ABCC4: variants seen among roughly 807,000 people sequenced by gnomAD.
The protein encoded by ABCC4 is ATP binding cassette subfamily C member 4 (PEL blood group).
In ABCC4, 102 loss-of-function variants were observed where a neutral mutation model predicts 168.5. The observed-to-expected ratio is 0.61, with a 90% CI of 0.52 to 0.71. ABCC4 has a LOEUF of 0.71. Ranked by LOEUF, ABCC4 falls within the 30% of genes least tolerant of loss-of-function variation. ABCC4 has a pLI of 0.00. For synonymous variants in ABCC4, 617 were observed against 590.7 expected (o/e 1.04, Z -0.65); for missense variants, 1,402 against 1,605.8 (o/e 0.87, Z 2.17).
At chr13:95,283,359 TG>T (rs1344317797) in intron 1 of ABCC4, among the ~76,000 whole-genome samples, 11 of 133,374 alleles carry the variant, frequency 8.2e-5, no homozygotes, top group Admixed American at 7.3e-4. Flanking sequence ...AGTTTTTCTG[TG>T]GTTTTTTTTT....
intron 1 of ABCC4, among the ~76,000 whole-genome samples, chr13:95,297,335 C>G (rs962050402): frequency 6.6e-6 from 1 of 151,508 alleles, no homozygotes; most frequent in African/African-American, 2.4e-5. Flanking sequence ...TCCACAATTG[C>G]CAACAGCCAT....
chr13:95,151,593 A>AAGGAGG (rs1331084381), intron 19 of ABCC4, among the ~76,000 whole-genome samples: 1 of 132,456 alleles, frequency 7.5e-6, no homozygotes, highest in Admixed American at 7.5e-5. Context: ...GAAGGAGAAG[A>AAGGAGG]AGGAGGAGGA....
chr13:95,208,871 T>G (rs1322501246), intron 6 of ABCC4, among the ~76,000 whole-genome samples: 1 of 152,048 alleles, frequency 6.6e-6, no homozygotes, highest in African/African-American at 2.4e-5. Context: ...CCACCTGCCT[T>G]GGCCTCCCAA....
intron 1 of ABCC4, among the ~76,000 whole-genome samples, chr13:95,285,722 G>C (rs2041240386): frequency 6.6e-6 from 1 of 152,140 alleles, no homozygotes; most frequent in African/African-American, 2.4e-5. Context: ...GTGATCAGGG[G>C]AAAGGCATCA....
intron 21 of ABCC4, among the ~76,000 whole-genome samples, chr13:95,082,136 CTCT>C (rs1246803389): frequency 3.3e-5 from 5 of 152,236 alleles, no homozygotes; most frequent in Non-Finnish European, 5.9e-5. Flanking sequence ...CTCAATGCTT[CTCT>C]TCTAGGCGTG....
rs756511116 is a variant in ABCC4, at chr13:95,188,497, G to C, written c.1309C>G (p.Pro437Ala). The C allele has an allele frequency of 4.3e-6, 7 of 1,614,140 alleles. No individual in the cohort carries two copies. The South Asian group carries it at 6.6e-5, about 15-fold the overall frequency. The stretch of plus-strand genomic sequence containing the variant: ...CCGACCACAGCTAACAATTCGCCAG[G>C]TCTGACAGTAAAGGAAAGGCCTTGT... ...TLQGLSFTVRPGELLAVVGPV... is the reference protein window; with the variant it reads ...TLQGLSFTVRAGELLAVVGPV... The change falls in exon 10 of 31, where the codon CCT (proline) becomes GCT (alanine). Residue 437 changes from proline to alanine, a missense_variant. Physicochemically the swap from Pro to Ala is conservative, Grantham distance 27. Transcript: ENST00000645237.
chr13:95,062,585 C>T (rs2033340739), intron 26 of ABCC4, 119 bp downstream of exon 26: 1 of 908,474 alleles, frequency 1.1e-6, no homozygotes. Flanking sequence ...AAAACATGCT[C>T]TATTGGGTGA....
Position 95,281,323 on chromosome 13 carries a change from A to AAG in ABCC4, c.74+19916_74+19917dup, listed in dbSNP as rs1237364676. Reference sequence around the variant, plus strand: ...TCAAAAAAAAAAAAAAAAAAAAAAAAAGAGAGAGAGAAAGTTGAGAGCATA... The same window carrying AAG: ...TCAAAAAAAAAAAAAAAAAAAAAAAAAGAGAGAGAGAGAAAGTTGAGAGCATA... On this transcript the variant is annotated intron_variant, in intron 1 of 30. Transcript: ENST00000645237. Among the ~76,000 whole-genome samples the AAG allele has an allele frequency of 6.8e-4, 92 of 135,008 alleles. 2 individuals are homozygous for AAG. Among genetic ancestry groups the AAG allele is most frequent in the Admixed American group, 2.0e-3 (26 of 12,820 alleles). The allele number at this position is 135,008 out of a possible 152,430, so 88.6% of individuals were successfully genotyped here.
At position 95,242,142 on chromosome 13, in the gene ABCC4, G is replaced by A. The variant is rs937907067; in HGVS notation, c.306+4833C>T. 1.4e-4 allele frequency among the ~76,000 whole-genome samples: 21 copies of A among 152,146 alleles called. No homozygotes were observed. The South Asian group carries it at 4.0e-3, about 29-fold the overall frequency. On this transcript the variant is annotated intron_variant, in intron 3 of 30. Coordinates refer to ENST00000645237, the MANE Select transcript of ABCC4 (RefSeq NM_005845.5). The stretch of plus-strand genomic sequence containing the variant: ...TTAGAGCTTCCACTATCCAAAATAC[G>A]AAGATCCACAAGCAGCACAGACACA...
chr13:95,275,625 A>C (rs2040953541), intron 1 of ABCC4, among the ~76,000 whole-genome samples: 1 of 151,978 alleles, frequency 6.6e-6, no homozygotes, highest in South Asian at 2.1e-4. Flanking sequence ...CTCTAGAACT[A>C]GGAAATCAAC....
At chr13:95,216,634 C>CA (rs2039121364) in intron 4 of ABCC4, among the ~76,000 whole-genome samples, 1 of 129,398 alleles carries the variant, frequency 7.7e-6, no homozygotes, top group Non-Finnish European at 1.6e-5. Flanking sequence ...AAAAAAAAAC[C>CA]AGCACAAATG....
intron 19 of ABCC4, among the ~76,000 whole-genome samples, 198 bp downstream of exon 19, chr13:95,160,990 TG>T (rs760322388): frequency 2.2e-4 from 33 of 149,594 alleles, no homozygotes; most frequent in Middle Eastern, 3.5e-3. Flanking sequence ...AAAGATTGTA[TG>T]CCCCCCCCTC....
intron 25 of ABCC4, among the ~76,000 whole-genome samples, chr13:95,065,444 C>G (rs527743268): frequency 2.6e-4 from 39 of 152,186 alleles, no homozygotes; most frequent in African/African-American, 9.4e-4. Context: ...AAGATATAAT[C>G]TCATATATTT....
chr13:95,050,566 C>T (rs1329841745), intron 27 of ABCC4, among the ~76,000 whole-genome samples: 1 of 152,176 alleles, frequency 6.6e-6, no homozygotes, highest in Non-Finnish European at 1.5e-5. Flanking sequence ...TGGAATCACA[C>T]TGGAAATACA....
chr13:95,289,069 A>T (rs1211486776), intron 1 of ABCC4, among the ~76,000 whole-genome samples: 1 of 152,204 alleles, frequency 6.6e-6, no homozygotes, highest in Non-Finnish European at 1.5e-5. Context: ...AAAGAGGAAG[A>T]GTACACACTG....
intron 29 of ABCC4, among the ~76,000 whole-genome samples, chr13:95,039,901 A>C (rs1375436943): frequency 1.3e-5 from 2 of 152,212 alleles, no homozygotes; most frequent in Non-Finnish European, 2.9e-5. Context: ...TATGGCAGCA[A>C]GCAATACAGA....
intron 19 of ABCC4, among the ~76,000 whole-genome samples, chr13:95,147,341 G>A (rs967046305): frequency 2.6e-5 from 4 of 152,164 alleles, no homozygotes; most frequent in African/African-American, 9.7e-5. Flanking sequence ...TCCTTTAAAT[G>A]TCTTAAAAAC....
Position 95,021,462 on chromosome 13 carries a change from A to G in ABCC4, c.*113T>C. ...GGGAGAAATATTCAAATGAACTAGC[A>G]TCTTGTATGTATAAATATTTGTTGC... On this transcript the variant is annotated 3_prime_UTR_variant, in exon 31 of 31. Coordinates refer to ENST00000645237, the MANE Select transcript of ABCC4 (RefSeq NM_005845.5). The G allele has an allele frequency of 1.6e-6, 1 of 632,404 alleles. No individual in the cohort carries two copies. The allele number at this position is 632,404 out of a possible 1,614,324, so 39.2% of individuals were successfully genotyped here.
chr13:95,269,425 CAA>C lies in ABCC4; in HGVS notation c.75-21674_75-21673del, dbSNP rs757748531. On this transcript the variant is annotated intron_variant, in intron 1 of 30. Coordinates refer to ENST00000645237, the MANE Select transcript of ABCC4 (RefSeq NM_005845.5). ...TGGGTGACACAGCGAGACTCCATCT[CAA>C]AAAAAAAATATATATATATATATAT... is the stretch of plus-strand genomic sequence containing the variant. The C allele has an allele frequency of 1.3e-3, 237 of 178,416 alleles. 1 individual carries two copies. Among genetic ancestry groups the C allele is most frequent in the African/African-American group, 4.7e-3 (166 of 35,552 alleles). The allele number at this position is 178,416 out of a possible 1,614,324, so 11.1% of individuals were successfully genotyped here.
Sources: gnomAD v4.1 joint callset for allele counts (sites outside exome capture counted in the v4.1 genomes callset) on GRCh38, gnomAD v4.1.1 for gene constraint, MANE v1.5 for transcripts, NCBI Gene and HGNC (gene_info 2026-07-23, HGNC 2026-07-21) for gene names.